Variants in LRRC4C observed in about 807,000 individuals in gnomAD.
LRRC4C encodes leucine rich repeat containing 4C, also known as leucine-rich repeat-containing protein 4C.
LRRC4C carries 5 observed loss-of-function variants against 33.6 expected under a neutral mutation model. That is an observed-to-expected ratio of 0.15 (90% CI 0.08 to 0.31). LRRC4C has a LOEUF of 0.31. Among genes scored for constraint, LRRC4C ranks in the 10% least tolerant of loss-of-function variants. The pLI is 1.00. For synonymous variants in LRRC4C, 329 were observed against 302.0 expected, an observed-to-expected ratio of 1.09 and a Z score of -0.93; for missense variants, 560 against 796.7, an observed-to-expected ratio of 0.70 and a Z score of 3.58.
At chr11:40,538,719 A>G (rs1956581682) in intron 3 of LRRC4C, among the ~76,000 whole-genome samples, 1 of 152,194 alleles carries the variant, frequency 6.6e-6, no homozygotes, top group Non-Finnish European at 1.5e-5. Flanking sequence ...GAATTGCCAC[A>G]CTGTCTTCCA....
chr11:40,226,285 A>G (rs1288507102), intron 5 of LRRC4C, among the ~76,000 whole-genome samples: 1 of 152,150 alleles, frequency 6.6e-6, no homozygotes, highest in Non-Finnish European at 1.5e-5. Context: ...TTAGGCCAAT[A>G]CGTTCACTAT....
In LRRC4C at chr11:40,282,294, G is replaced by A. The variant is rs932975115; in HGVS notation, c.-176+37334C>T. Among the ~76,000 whole-genome samples, 9 of 152,004 alleles carry A rather than the reference G, an allele frequency of 5.9e-5. No individual in the cohort carries two copies. The South Asian group carries it at 1.7e-3, about 28-fold the overall frequency. On this transcript the variant is annotated intron_variant, in intron 4 of 6. Transcript: ENST00000528697. Reference sequence around the variant, plus strand: ...TGGGAGGTGGAGGTTGCAGTAAGCCGAGATCGCACCACTGCACTCCAGCCT... The same window carrying A: ...TGGGAGGTGGAGGTTGCAGTAAGCCAAGATCGCACCACTGCACTCCAGCCT...
In LRRC4C at chr11:40,140,863, A is replaced by T. The variant is rs1478233136; in HGVS notation, c.-95-10T>A. 1 of 152,336 alleles carries T rather than the reference A, an allele frequency of 6.6e-6. No individual in the cohort carries two copies. The highest frequency in any genetic ancestry group is 1.5e-5 in the Non-Finnish European group (1 of 68,030). The allele number at this position is 152,336 out of a possible 1,614,324, so 9.4% of individuals were successfully genotyped here. On this transcript the variant is annotated splice_polypyrimidine_tract_variant and intron_variant, in intron 5 of 6. Coordinates refer to ENST00000528697, the MANE Select transcript of LRRC4C (RefSeq NM_001258419.2). The stretch of plus-strand genomic sequence containing the variant: ...CAGTGCGTTTGCCAATCTAAAAAAA[A>T]AAAAAAAAGAAAAGAAAAGAAAAAA...
chr11:41,207,705 G>A (rs1038458640), intron 1 of LRRC4C, among the ~76,000 whole-genome samples: 1 of 152,138 alleles, frequency 6.6e-6, no homozygotes. Context: ...CAAGAAGTGA[G>A]GCTTCACCTG....
chr11:40,309,504 A>G (rs1565258528), intron 4 of LRRC4C, among the ~76,000 whole-genome samples: 1 of 143,260 alleles, frequency 7.0e-6, no homozygotes, highest in Non-Finnish European at 1.5e-5. Flanking sequence ...AGAAGAAAGG[A>G]GCAGAAGTGT....
At chr11:40,503,608 C>G (rs970077482) in intron 3 of LRRC4C, among the ~76,000 whole-genome samples, 3 of 152,202 alleles carry the variant, frequency 2.0e-5, no homozygotes, top group Admixed American at 2.0e-4. Context: ...CTCGCTATCA[C>G]AATTCTTGCA....
chr11:40,699,122 G>C (rs943993462), intron 2 of LRRC4C, among the ~76,000 whole-genome samples: 2 of 152,092 alleles, frequency 1.3e-5, no homozygotes, highest in African/African-American at 4.8e-5. Flanking sequence ...TGGTATTCCT[G>C]CTATACCTAA....
At chr11:41,140,216 C>T (rs893134065) in intron 1 of LRRC4C, among the ~76,000 whole-genome samples, 3 of 152,068 alleles carry the variant, frequency 2.0e-5, no homozygotes, top group African/African-American at 4.8e-5. Context: ...ACCCTGCTAT[C>T]CTGGAAAACA....
chr11:41,436,130 G>A (rs1282279580), intron 1 of LRRC4C, among the ~76,000 whole-genome samples: 1 of 152,216 alleles, frequency 6.6e-6, no homozygotes, highest in Non-Finnish European at 1.5e-5. Flanking sequence ...CTTGAACCCA[G>A]GAGGTGGAGG....
intron 1 of LRRC4C, among the ~76,000 whole-genome samples, chr11:41,450,350 T>C (rs971772318): frequency 3.3e-5 from 5 of 152,172 alleles, no homozygotes; most frequent in Admixed American, 6.5e-5. Flanking sequence ...GAAAATTGTT[T>C]ACATTTAAAA....
intron 2 of LRRC4C, among the ~76,000 whole-genome samples, chr11:40,916,111 A>C (rs1956945784): frequency 6.6e-6 from 1 of 152,220 alleles, no homozygotes; most frequent in Non-Finnish European, 1.5e-5. Flanking sequence ...ACTGCAAACT[A>C]GTTCAACCAT....
chr11:40,437,864 C>T (rs1348697983), intron 3 of LRRC4C, among the ~76,000 whole-genome samples: 6 of 152,274 alleles, frequency 3.9e-5, no homozygotes, highest in East Asian at 3.9e-4. Flanking sequence ...CATGCCACCA[C>T]GCCTGACTAA....
intron 3 of LRRC4C, among the ~76,000 whole-genome samples, chr11:40,485,950 A>G (rs371972231): frequency 6.6e-6 from 1 of 151,990 alleles, no homozygotes; most frequent in Non-Finnish European, 1.5e-5. Flanking sequence ...TGATAAGAAC[A>G]CATGGACACA....
At chr11:40,453,636 G>A (rs1952000657) in intron 3 of LRRC4C, among the ~76,000 whole-genome samples, 1 of 131,200 alleles carries the variant, frequency 7.6e-6, no homozygotes, top group Admixed American at 7.8e-5. Flanking sequence ...AACAACTACG[G>A]ACCAATATCC....
intron 3 of LRRC4C, among the ~76,000 whole-genome samples, chr11:40,594,232 G>A (rs116707305): frequency 0.015 from 2,239 of 152,320 alleles, 67 homozygotes; most frequent in African/African-American, 0.05. Context: ...GCTAATGTTT[G>A]TTGACCCCTT....
intron 3 of LRRC4C, among the ~76,000 whole-genome samples, chr11:40,444,899 T>A (rs1256255462): frequency 6.6e-6 from 1 of 152,212 alleles, no homozygotes; most frequent in Non-Finnish European, 1.5e-5. Context: ...TTCTCTCACT[T>A]ACGTAAGGTA....
intron 1 of LRRC4C, among the ~76,000 whole-genome samples, chr11:41,389,408 G>C (rs1179771006): frequency 6.6e-6 from 1 of 151,590 alleles, no homozygotes; most frequent in Non-Finnish European, 1.5e-5. Flanking sequence ...GAAGAATCTG[G>C]AACAAATAAA....
At chr11:40,471,380 A>C (rs1380350205) in intron 3 of LRRC4C, among the ~76,000 whole-genome samples, 1 of 152,170 alleles carries the variant, frequency 6.6e-6, no homozygotes, top group Non-Finnish European at 1.5e-5. Context: ...AGAGCTCCTA[A>C]AGGAAGCACT....
chr11:40,806,518 C>T (rs1450713084), intron 2 of LRRC4C, among the ~76,000 whole-genome samples: 1 of 152,204 alleles, frequency 6.6e-6, no homozygotes, highest in East Asian at 1.9e-4. Flanking sequence ...AGCACCACAT[C>T]CACTATAATC....
Sources: gnomAD v4.1 joint callset for allele counts (sites outside exome capture counted in the v4.1 genomes callset) on GRCh38, gnomAD v4.1.1 for gene constraint, MANE v1.5 for transcripts, NCBI Gene and HGNC (gene_info 2026-07-23, HGNC 2026-07-21) for gene names.